Variants in DIAPH2 observed in about 807,000 individuals in gnomAD.
DIAPH2 encodes protein diaphanous homolog 2.
A neutral mutation model predicts 92.7 loss-of-function variants in DIAPH2; 35 were observed. The ratio of observed to expected loss-of-function variants is 0.38; its 90% confidence interval spans 0.29 to 0.50. The LOEUF (loss-of-function observed/expected upper bound fraction) is 0.50. DIAPH2 is among the 20% of genes least tolerant of loss of function. The probability of loss-of-function intolerance (pLI) is 0.94; values close to 1 mark genes in which losing one functional copy is unlikely to be tolerated. For synonymous variants in DIAPH2, 301 were observed against 280.4 expected (o/e 1.07, Z -0.73); for missense variants, 701 against 819.5 (o/e 0.86, Z 1.77).
intron 26 of DIAPH2, among the ~76,000 whole-genome samples, chrX:97,430,275 C>G (rs2070112718): frequency 8.9e-6 from 1 of 111,921 alleles, no homozygotes. Context: ...TGATTAGTAA[C>G]AGTTAAAGCC....
At chrX:97,313,651 T>G (rs2068815749) in intron 23 of DIAPH2, among the ~76,000 whole-genome samples, 1 of 111,041 alleles carries the variant, frequency 9.0e-6, no homozygotes, top group African/African-American at 3.3e-5. Flanking sequence ...TTTACTGTTT[T>G]TTTTTGAGAC....
At chrX:97,205,653 A>G (rs773407824) in intron 22 of DIAPH2, among the ~76,000 whole-genome samples, 1 of 111,652 alleles carries the variant, frequency 9.0e-6, no homozygotes, top group African/African-American at 3.3e-5. Context: ...GTCAGCAAAC[A>G]ATAGATGCTG....
At chrX:97,393,304 T>C (rs1045716900) in intron 25 of DIAPH2, among the ~76,000 whole-genome samples, 1 of 111,930 alleles carries the variant, frequency 8.9e-6, no homozygotes, top group Non-Finnish European at 1.9e-5. Context: ...GATTGACTGA[T>C]GAGCAAGAGA....
chrX:97,201,101 CAGAA>C (rs1460752583), intron 22 of DIAPH2, among the ~76,000 whole-genome samples: 1 of 102,939 alleles, frequency 9.7e-6, no homozygotes, highest in East Asian at 3.2e-4. Flanking sequence ...GAAAAACTAA[CAGAA>C]AGCAACAACA....
intron 25 of DIAPH2, among the ~76,000 whole-genome samples, chrX:97,406,210 A>G (rs1176920223): frequency 8.9e-6 from 1 of 112,059 alleles, no homozygotes; most frequent in Admixed American, 9.5e-5. Flanking sequence ...GGTGTTAACA[A>G]GGTTTTTCTC....
chrX:96,820,008 C>T (rs972792361), intron 4 of DIAPH2, among the ~76,000 whole-genome samples: 6 of 111,911 alleles, frequency 5.4e-5, no homozygotes, highest in Non-Finnish European at 1.1e-4. Context: ...ATCTCCTCTC[C>T]ACGTACACCG....
chrX:97,429,851 A>G, intron 26 of DIAPH2, 106 bp downstream of exon 26: 2 of 760,939 alleles, frequency 2.6e-6, no homozygotes, highest in Non-Finnish European at 3.7e-6. Context: ...CCTCATGAAG[A>G]CTTTTTTTAA....
intron 14 of DIAPH2, 124 bp downstream of exon 14, chrX:96,945,715 G>T (rs960652810): frequency 2.3e-6 from 1 of 438,096 alleles, no homozygotes; most frequent in Non-Finnish European, 3.7e-6. Context: ...ATACTTTTGG[G>T]TTCAAACATA....
At chrX:97,049,953 C>T (rs2066508472) in intron 17 of DIAPH2, among the ~76,000 whole-genome samples, 1 of 111,006 alleles carries the variant, frequency 9.0e-6, no homozygotes, top group Non-Finnish European at 1.9e-5. Context: ...CTGGTGCTTC[C>T]AATGAAGCTG....
At chrX:97,327,391 G>T (rs923501668) in intron 23 of DIAPH2, among the ~76,000 whole-genome samples, 3 of 107,215 alleles carry the variant, frequency 2.8e-5, no homozygotes, top group African/African-American at 6.8e-5. Flanking sequence ...GAGCTACCGC[G>T]CCCGGCCTAG....
At chrX:97,439,471 G>A (rs2070230069) in intron 26 of DIAPH2, among the ~76,000 whole-genome samples, 1 of 110,424 alleles carries the variant, frequency 9.1e-6, no homozygotes, top group South Asian at 3.9e-4. Context: ...TACTTGGGCT[G>A]AGGCAGGAGA....
chrX:97,402,669 G>A (rs1010463637), intron 25 of DIAPH2, among the ~76,000 whole-genome samples: 39 of 111,870 alleles, frequency 3.5e-4, no homozygotes, highest in African/African-American at 1.2e-3. Flanking sequence ...AGTTCTTTCT[G>A]ATGATAAGGA....
At chrX:97,478,879 G>A (rs2070630119) in intron 26 of DIAPH2, among the ~76,000 whole-genome samples, 1 of 110,510 alleles carries the variant, frequency 9.0e-6, no homozygotes. Context: ...AGAATGCCGT[G>A]GTACCTCATT....
chrX:97,111,667 C>T (rs1055799309), intron 20 of DIAPH2, among the ~76,000 whole-genome samples: 1 of 111,482 alleles, frequency 9.0e-6, no homozygotes, highest in Non-Finnish European at 1.9e-5. Context: ...CTGTTTCTTA[C>T]ACCATTTTGC....
At chrX:97,499,597 G>T (rs1471737210) in intron 26 of DIAPH2, among the ~76,000 whole-genome samples, 1 of 111,318 alleles carries the variant, frequency 9.0e-6, no homozygotes, top group African/African-American at 3.3e-5. Context: ...CCACTATTGG[G>T]CATCTACCCA....
At chrX:97,464,108 G>A (rs1246177414) in intron 26 of DIAPH2, among the ~76,000 whole-genome samples, 3 of 108,362 alleles carry the variant, frequency 2.8e-5, no homozygotes, top group African/African-American at 1.0e-4. Context: ...TCCAAGGATA[G>A]GAAACAACAG....
At chrX:96,949,192 G>A (rs1287135819) in intron 15 of DIAPH2, among the ~76,000 whole-genome samples, 153 bp downstream of exon 15, 2 of 110,979 alleles carry the variant, frequency 1.8e-5, no homozygotes, top group East Asian at 5.6e-4. Context: ...TTATATTCCA[G>A]GGCAATAAAT....
chrX:96,912,916 G>T (rs930885246), intron 7 of DIAPH2, among the ~76,000 whole-genome samples: 2 of 109,764 alleles, frequency 1.8e-5, no homozygotes, highest in Admixed American at 9.8e-5. Flanking sequence ...AGATAAATTT[G>T]ATGTTTAATT....
intron 26 of DIAPH2, among the ~76,000 whole-genome samples, chrX:97,547,449 A>G (rs745997424): frequency 8.9e-6 from 1 of 112,288 alleles, no homozygotes; most frequent in African/African-American, 3.2e-5. Flanking sequence ...GTCAAGGCCA[A>G]AATCTAGATA....
Sources: allele counts gnomAD v4.1 joint callset (sites outside exome capture counted in the v4.1 genomes callset), GRCh38; gene constraint gnomAD v4.1.1; transcripts MANE v1.5; gene names NCBI Gene and HGNC (gene_info 2026-07-23, HGNC 2026-07-21).